Variants in ABL2 observed in about 807,000 individuals in gnomAD.
The protein encoded by ABL2 is tyrosine-protein kinase ABL2.
In ABL2, 49 loss-of-function variants were observed where a neutral mutation model predicts 107.7. The observed-to-expected ratio is 0.45, with a 90% CI of 0.36 to 0.58. The LOEUF (loss-of-function observed/expected upper bound fraction) is 0.58. Among genes scored for constraint, ABL2 ranks in the 20% least tolerant of loss-of-function variants. The pLI, the probability that ABL2 is intolerant of heterozygous loss-of-function variation, is 0.00. For missense variants in ABL2, 1,245 were observed against 1,457.0 expected (o/e 0.85, Z 2.37); for synonymous variants, 549 against 548.6 (o/e 1.00, Z -0.01).
At chr1:179,166,506 C>T (rs888248411) in intron 1 of ABL2, among the ~76,000 whole-genome samples, 2 of 151,718 alleles carry the variant, frequency 1.3e-5, no homozygotes, top group African/African-American at 2.4e-5. Flanking sequence ...TGGCAGGGCG[C>T]GGTGGCTCAC....
intron 1 of ABL2, among the ~76,000 whole-genome samples, chr1:179,138,758 C>T (rs946870025): frequency 3.9e-5 from 6 of 152,336 alleles, no homozygotes; most frequent in East Asian, 1.9e-4. Flanking sequence ...AGCCCTTCAG[C>T]GCACCGCTGC....
intron 1 of ABL2, among the ~76,000 whole-genome samples, chr1:179,212,371 G>A (rs868448053): frequency 3.3e-5 from 5 of 152,120 alleles, no homozygotes; most frequent in South Asian, 2.1e-4. Context: ...GGACTACAAG[G>A]GTGAACAAGA....
chr1:179,227,845 G>A (rs1253689259), intron 1 of ABL2, among the ~76,000 whole-genome samples: 3 of 151,942 alleles, frequency 2.0e-5, no homozygotes, highest in Admixed American at 6.6e-5. Context: ...GAGGTCAGGC[G>A]TTCGAGACCA....
rs755462837 is a variant in ABL2 at position 179,108,117 on chromosome 1, T to C, written c.3150A>G (p.Thr1050=). 2 of 1,614,198 alleles carry C rather than the reference T, an allele frequency of 1.2e-6. No homozygotes were observed. The highest frequency in any genetic ancestry group is 1.1e-5 in the South Asian group (1 of 91,090). ...CCATTTTGGCTGGCGAGATGGAAGATGTGGGCAGAGGCACTTGAGGTGGAG... is the reference window on the plus strand; with the variant it reads ...CCATTTTGGCTGGCGAGATGGAAGACGTGGGCAGAGGCACTTGAGGTGGAG... ...VMPPPQVPLP[T]SSISPAKMAN... Residue 1050 remains threonine, a synonymous_variant, in exon 12 of 12, where the codon ACA becomes ACG. Transcript: ENST00000502732.
intron 1 of ABL2, among the ~76,000 whole-genome samples, 176 bp downstream of exon 1, chr1:179,229,065 G>A (rs1478954833): frequency 6.6e-6 from 1 of 151,950 alleles, no homozygotes. Flanking sequence ...AGAGACGCGA[G>A]GGGGGAGGGG....
At chr1:179,194,996 G>C (rs900638487) in intron 1 of ABL2, among the ~76,000 whole-genome samples, 4 of 151,926 alleles carry the variant, frequency 2.6e-5, no homozygotes, top group Non-Finnish European at 5.9e-5. Context: ...ATATCAAAAC[G>C]ACAATGAGAG....
intron 2 of ABL2, among the ~76,000 whole-genome samples, chr1:179,131,807 G>C (rs1656358401): frequency 2.0e-5 from 3 of 152,322 alleles, no homozygotes; most frequent in South Asian, 2.1e-4. Flanking sequence ...ATCTCAAAGA[G>C]AAATGGTTAC....
At chr1:179,209,542 C>T (rs1471357022) in intron 1 of ABL2, among the ~76,000 whole-genome samples, 2 of 152,184 alleles carry the variant, frequency 1.3e-5, no homozygotes, top group Non-Finnish European at 2.9e-5. Context: ...AAAATAACTA[C>T]TTTTTCTCCC....
At position 179,109,433 on chromosome 1, in the gene ABL2, T is replaced by C. The variant is rs1420915953; in HGVS notation, c.1834A>G (p.Arg612Gly). ...SASSLAPGFI[R>G]GAQASSGSPA... ...GATCCACTAGAGGCCTGTGCACCTC[T>C]GATGAACCCTGATGAGAAATGGCCG... Residue 612 changes from arginine (R) to glycine (G), a missense_variant, in exon 12 of 12, where the codon AGA becomes GGA. This residue lies in a region of ABL2 where 761 missense variants were observed against 766.4 expected (regional missense o/e 0.99). Transcript: ENST00000502732. The C allele has an allele frequency of 6.2e-7, 1 of 1,601,854 alleles. No homozygotes were observed. The highest frequency in any genetic ancestry group is 1.8e-5 in the Admixed American group (1 of 56,680).
intron 1 of ABL2, among the ~76,000 whole-genome samples, chr1:179,168,246 A>G (rs1245513193): frequency 6.6e-6 from 1 of 152,240 alleles, no homozygotes; most frequent in East Asian, 1.9e-4. Flanking sequence ...CAGATCTTTA[A>G]GTCCTTTATA....
At chr1:179,218,203 AAATGTG>A (rs1272544991) in intron 1 of ABL2, among the ~76,000 whole-genome samples, 1 of 152,108 alleles carries the variant, frequency 6.6e-6, no homozygotes, top group East Asian at 1.9e-4. Context: ...TTTTTTTCAA[AAATGTG>A]TCTCTCAAGA....
chr1:179,210,365 G>A (rs1175409633), intron 1 of ABL2, among the ~76,000 whole-genome samples: 1 of 151,174 alleles, frequency 6.6e-6, no homozygotes, highest in Non-Finnish European at 1.5e-5. Context: ...AATTAGCTGG[G>A]CGTGGTGGTG....
At chr1:179,198,693 CAAAAAAAA>C (rs534990752) in intron 1 of ABL2, among the ~76,000 whole-genome samples, 1 of 34,944 alleles carries the variant, frequency 2.9e-5, no homozygotes, top group African/African-American at 1.3e-4. Flanking sequence ...ACTCCATCTC[CAAAAAAAA>C]AAAAAAAAAA....
chr1:179,197,843 T>C (rs1340779561), intron 1 of ABL2, among the ~76,000 whole-genome samples: 2 of 146,680 alleles, frequency 1.4e-5, no homozygotes, highest in African/African-American at 2.5e-5. Flanking sequence ...CATTCCAGCC[T>C]GGGTGACAAG....
At chr1:179,117,555 G>T in intron 7 of ABL2, 39 bp from the exon 8 acceptor site, 1 of 1,606,070 alleles carries the variant, frequency 6.2e-7, no homozygotes, top group South Asian at 1.1e-5. Context: ...CCATTCAGAT[G>T]GTGAGGAAAA....
At chr1:179,132,041 T>C (rs1405348415) in intron 2 of ABL2, among the ~76,000 whole-genome samples, 1 of 152,218 alleles carries the variant, frequency 6.6e-6, no homozygotes, top group Admixed American at 6.5e-5. Flanking sequence ...ATTTAAAAAG[T>C]GCTTTTAGAA....
At position 179,213,057 on chromosome 1, in the gene ABL2, A is replaced by G. The variant is rs573400424; in HGVS notation, c.157+16184T>C. On this transcript the variant is annotated intron_variant, in intron 1 of 11. Transcript: ENST00000502732. ...GTGAAACTCCGTCTCAAAAAAAAAA[A>G]AAAAAAAGAAATATAATGCAAGCTA... is the stretch of plus-strand genomic sequence containing the variant. 2.1e-5 allele frequency among the ~76,000 whole-genome samples: 3 copies of G among 143,728 alleles called. No individual in the cohort carries two copies. In the South Asian group the frequency reaches 6.7e-4, roughly 32 times the overall value. 94.3% of individuals were successfully genotyped at this position (143,728 alleles called of 152,430 possible).
rs1373561953 is a variant in ABL2 at position 179,109,405 on chromosome 1, G to A, written c.1862C>T (p.Pro621Leu). The A allele has an allele frequency of 6.2e-7, 1 of 1,613,840 alleles. No homozygotes were observed. The highest frequency in any genetic ancestry group is 1.3e-5 in the African/African-American group (1 of 74,886). ...IRGAQASSGS[P>L]ALPRKQRDKS... ...GTCTCTTTGCTTTCGAGGCAGTGCT[G>A]GGGATCCACTAGAGGCCTGTGCACC... The change falls in exon 12 of 12, where the codon CCA (proline) becomes CTA (leucine). Residue 621 changes from proline (P) to leucine (L), a missense_variant. Transcript: ENST00000502732.
In ABL2 at chr1:179,174,920, A is replaced by AAAAT. The variant is rs1659958398; in HGVS notation, c.158-41547_158-41546insATTT. Among the ~76,000 whole-genome samples, 19 of 122,870 alleles carry AAAAT rather than the reference A, an allele frequency of 1.5e-4. 1 individual carries two copies. The highest frequency in any genetic ancestry group is 9.7e-4 in the East Asian group (4 of 4,124). 80.6% of individuals were successfully genotyped at this position (122,870 alleles called of 152,430 possible). A position where few individuals can be genotyped will look rare whatever the true frequency, so the allele number is the denominator to read the frequency against. On this transcript the variant is annotated intron_variant, in intron 1 of 11. Coordinates refer to ENST00000502732, the MANE Select transcript of ABL2 (RefSeq NM_007314.4). ...CAAAAAAAAAAAAATAAAATAAAAA[A>AAAAT]AATAATAATAATAATAATAATAATT...
Sources: allele counts gnomAD v4.1 joint callset (sites outside exome capture counted in the v4.1 genomes callset), GRCh38; gene constraint gnomAD v4.1.1; regional missense constraint gnomAD v4.1.1; transcripts MANE v1.5; gene names NCBI Gene and HGNC (gene_info 2026-07-23, HGNC 2026-07-21).